The following INTS1 variants were observed in gnomAD, a reference collection of about 807,000 sequenced individuals.
The protein encoded by INTS1 is integrator complex subunit 1.
In INTS1, 137 loss-of-function variants were observed where a neutral mutation model predicts 241.6. The observed-to-expected ratio is 0.57, with a 90% CI of 0.49 to 0.65. INTS1 has a LOEUF of 0.65. Among genes scored for constraint, INTS1 ranks in the 30% least tolerant of loss-of-function variants. The probability of loss-of-function intolerance (pLI) is 0.00; values close to 1 mark genes in which losing one functional copy is unlikely to be tolerated. For missense variants in INTS1, 3,073 were observed against 3,032.2 expected, an observed-to-expected ratio of 1.01 and a Z score of -0.32; for synonymous variants, 1,692 against 1,337.8, an observed-to-expected ratio of 1.26 and a Z score of -5.78.
At chr7:1,474,115 C>T in intron 41 of INTS1, 53 bp downstream of exon 41, 1 of 1,507,568 alleles carries the variant, frequency 6.6e-7, no homozygotes, top group Non-Finnish European at 8.8e-7. Flanking sequence ...CAGGCCTGGG[C>T]CAGAGCAGAG....
chr7:1,474,487 T>C, intron 40 of INTS1, 127 bp from the exon 41 acceptor site: 1 of 1,166,658 alleles, frequency 8.6e-7, no homozygotes, highest in Non-Finnish European at 1.2e-6. Context: ...CCTCCTGCCC[T>C]AAGGAGGTGG....
Position 1,481,375 on chromosome 7 carries a change from G to A in INTS1, c.3817C>T (p.Pro1273Ser). The A allele has an allele frequency of 6.2e-7, 1 of 1,613,054 alleles. No homozygotes were observed. The highest frequency in any genetic ancestry group is 8.5e-7 in the Non-Finnish European group (1 of 1,179,784). Residue 1273 changes from proline (P) to serine (S), a missense_variant, in exon 28 of 48, where the codon CCC (proline) becomes TCC (serine). Pro to Ser is a moderately conservative substitution (Grantham distance 74). Coordinates refer to ENST00000404767, the MANE Select transcript of INTS1 (RefSeq NM_001080453.3). The surrounding 1 kb of genome is among the most constrained non-coding windows in gnomAD (Gnocchi z 6.8). ...ATGATGTTCTGCTCCAGAGTCTGGG[G>A]GTCGTGGGCCACTGCCTGGTCCAGG... Reference protein sequence around the residue: ...QFLDQAVAHDPQTLEQNIMDK... With the variant: ...QFLDQAVAHDSQTLEQNIMDK...
Position 1,471,656 on chromosome 7 carries a change from G to A in INTS1, c.6185-15C>T, listed in dbSNP as rs1332717748. 5 of 1,611,430 alleles carry A rather than the reference G, an allele frequency of 3.1e-6. No individual in the cohort carries two copies. The highest frequency in any genetic ancestry group is 1.7e-4 in the Middle Eastern group (1 of 6,058). On this transcript the variant is annotated splice_polypyrimidine_tract_variant and intron_variant, in intron 44 of 47. Coordinates refer to ENST00000404767, the MANE Select transcript of INTS1 (RefSeq NM_001080453.3). ...CTCCAGCAGATCTGACACAGAGAGA[G>A]GGCCAGACCAGAACTGAAGGGCCCA...
chr7:1,479,552 C>A lies in INTS1; in HGVS notation c.4207G>T (p.Val1403Leu), dbSNP rs191952781. 10 of 1,554,168 alleles carry A rather than the reference C, an allele frequency of 6.4e-6. No homozygotes were observed. Among genetic ancestry groups the A allele is most frequent in the African/African-American group, 2.7e-5 (2 of 73,318 alleles). ...GTGGCGAGGGCCTGCAGGACACGCA[C>A]CGTGATGCCCGGCACCTCGGGGCTG... The part of the protein sequence containing the change: ...QGSPEVPGIT[V>L]RVLQALATLL... Residue 1403 changes from valine to leucine, a missense_variant, in exon 31 of 48, where the codon GTG becomes TTG. Physicochemically the swap from Val to Leu is conservative, Grantham distance 32. Transcript: ENST00000404767.
chr7:1,494,973 G>C, intron 13 of INTS1, 80 bp from the exon 14 acceptor site: 1 of 1,487,850 alleles, frequency 6.7e-7, no homozygotes, highest in Non-Finnish European at 9.1e-7. Context: ...AAGGGACCCC[G>C]CTCCCACGGG....
At position 1,485,417 on chromosome 7, in the gene INTS1, TCC is replaced by T; in HGVS notation, c.3027_3028del (p.Glu1010AlafsTer49). ...CCCCACATCCTCCTCCATGGGGGGCTCCTTCTCCTCCCCGTCCCGCAGGCTGC... is the reference window on the plus strand; with the variant it reads ...CCCCACATCCTCCTCCATGGGGGGCTTTCTCCTCCCCGTCCCGCAGGCTGC... On this transcript the variant is annotated frameshift_variant, in exon 23 of 48. Transcript: ENST00000404767. LOFTEE classifies it high-confidence loss of function. The T allele has an allele frequency of 6.2e-7, 1 of 1,612,640 alleles. No individual in the cohort carries two copies. The highest frequency in any genetic ancestry group is 2.2e-5 in the East Asian group (1 of 44,888).
At chr7:1,484,231 G>A (rs778803874) in intron 24 of INTS1, 61 bp from the exon 25 acceptor site, 2 of 1,531,502 alleles carry the variant, frequency 1.3e-6, no homozygotes, top group Non-Finnish European at 1.8e-6. Flanking sequence ...CGGCCAGCTG[G>A]GGTGACCTCG....
intron 22 of INTS1, 157 bp from the exon 23 acceptor site, chr7:1,485,626 C>T: frequency 1.4e-6 from 1 of 712,162 alleles, no homozygotes; most frequent in Non-Finnish European, 2.3e-6. Context: ...AAAAACGAGA[C>T]TGAGCTCTTT....
At position 1,493,179 on chromosome 7, in the gene INTS1, C is replaced by T; in HGVS notation, c.2069-73G>A. On this transcript the variant is annotated intron_variant, in intron 15 of 47. Transcript: ENST00000404767. The surrounding 1 kb of genome is among the most constrained non-coding windows in gnomAD (Gnocchi z 5.3). ...CAGGCACAGGCAGCGAGGGAACCGG[C>T]CCTGCTCGGGCCGCGTCGGGGTGGG... 1 of 1,323,422 alleles carries T rather than the reference C, an allele frequency of 7.6e-7. No homozygotes were observed. The highest frequency in any genetic ancestry group is 1.1e-6 in the Non-Finnish European group (1 of 924,474). 82.0% of individuals were successfully genotyped at this position (1,323,422 alleles called of 1,614,324 possible).
At position 1,481,512 on chromosome 7, in the gene INTS1, C is replaced by T. The variant is rs117924399; in HGVS notation, c.3704-24G>A. Reference sequence around the variant, plus strand: ...GGCTGAGGGTGCACGCGCTCCGTAACGCCACCCAAAACCCGGGCAATGCGC... The same window carrying T: ...GGCTGAGGGTGCACGCGCTCCGTAATGCCACCCAAAACCCGGGCAATGCGC... On this transcript the variant is annotated intron_variant, in intron 27 of 47. Coordinates refer to ENST00000404767, the MANE Select transcript of INTS1 (RefSeq NM_001080453.3). The surrounding 1 kb of genome is among the most constrained non-coding windows in gnomAD (Gnocchi z 6.8). 1.1e-5 allele frequency: 18 copies of T among 1,587,716 alleles called. No homozygotes were observed. The highest frequency in any genetic ancestry group is 4.5e-5 in the East Asian group (2 of 44,488).
At chr7:1,495,400 T>C (rs763685689) in intron 13 of INTS1, 33 bp downstream of exon 13, 1 of 1,587,220 alleles carries the variant, frequency 6.3e-7, no homozygotes, top group East Asian at 2.3e-5. Context: ...CAGTGGGGTG[T>C]GGGACAGGGG....
rs1783359389 is a variant in INTS1, at chr7:1,504,324, T to C, written c.-43A>G. ...GCGCCCAGGCCGCGGCTCACTTACC[T>C]CTGGCCCATCGCGACCGGAGCGCCG... On this transcript the variant is annotated splice_region_variant and 5_prime_UTR_variant, in exon 1 of 48. Coordinates refer to ENST00000404767, the MANE Select transcript of INTS1 (RefSeq NM_001080453.3). 1 of 524,682 alleles carries C rather than the reference T, an allele frequency of 1.9e-6. No individual in the cohort carries two copies. The highest frequency in any genetic ancestry group is 2.0e-5 in the African/African-American group (1 of 50,306). 32.5% of individuals were successfully genotyped at this position (524,682 alleles called of 1,614,324 possible). A position where few individuals can be genotyped will look rare whatever the true frequency, so the allele number is the denominator to read the frequency against.
In INTS1 at chr7:1,471,556, C is replaced by T; in HGVS notation, c.6255+15G>A. On this transcript the variant is annotated intron_variant, in intron 45 of 47. Transcript: ENST00000404767. ...GTGGCTCCTCCCAGCTCTCCCTCAG[C>T]CCCATCCAGCTCACCGAGAAGAAGC... 6.2e-7 allele frequency: 1 copy of T among 1,611,704 alleles called. No homozygotes were observed. The highest frequency in any genetic ancestry group is 8.5e-7 in the Non-Finnish European group (1 of 1,179,434).
intron 3 of INTS1, 92 bp downstream of exon 3, chr7:1,502,809 G>C: frequency 5.8e-6 from 8 of 1,389,098 alleles, no homozygotes; most frequent in Non-Finnish European, 8.0e-6. Context: ...GGCCATACGG[G>C]CAGCACTAGG....
At chr7:1,500,736 T>C (rs1460039614) in intron 3 of INTS1, among the ~76,000 whole-genome samples, 1 of 152,108 alleles carries the variant, frequency 6.6e-6, no homozygotes, top group East Asian at 1.9e-4. Context: ...CGCAGCACAG[T>C]GGCCCTCTCT....
At chr7:1,470,782 C>T (rs1033991380) in intron 47 of INTS1, 64 bp downstream of exon 47, 27 of 1,473,368 alleles carry the variant, frequency 1.8e-5, no homozygotes, top group South Asian at 3.8e-5. Flanking sequence ...AGCCAGCCCT[C>T]GGGGGACGCA....
rs1433759603 is a variant in INTS1, at chr7:1,477,788, G to A, written c.4779C>T (p.Pro1593=). 3 of 1,612,478 alleles carry A rather than the reference G, an allele frequency of 1.9e-6. No individual in the cohort carries two copies. The highest frequency in any genetic ancestry group is 1.1e-5 in the South Asian group (1 of 91,082). The change falls in exon 34 of 48, where the codon CCC becomes CCT. Residue 1593 remains proline, a synonymous_variant. Transcript: ENST00000404767. ...CCGCACCCGGCTTCCCCCCAGCCAG[G>A]GGCTCCTCCTCCTGCAGCAGCAGGG... The part of the protein sequence containing the change: ...VSSLLLQEEE[P]LAGGKPGADG...
chr7:1,495,338 G>A, intron 13 of INTS1, 95 bp downstream of exon 13: 2 of 1,447,138 alleles, frequency 1.4e-6, no homozygotes, highest in South Asian at 2.6e-5. Context: ...GCTTGTCCTG[G>A]CTCAGTGGGG....
At position 1,487,110 on chromosome 7, in the gene INTS1, G is replaced by A. The variant is rs1782307481; in HGVS notation, c.2647-9C>T. 3 of 1,541,438 alleles carry A rather than the reference G, an allele frequency of 1.9e-6. No individual in the cohort carries two copies. Among genetic ancestry groups the A allele is most frequent in the Non-Finnish European group, 2.6e-6 (3 of 1,146,956 alleles). On this transcript the variant is annotated splice_polypyrimidine_tract_variant and intron_variant, in intron 20 of 47. Coordinates refer to ENST00000404767, the MANE Select transcript of INTS1 (RefSeq NM_001080453.3). ...ATGGACTGCGAGGAGGCCTGGGCAG[G>A]CGACAGTGGCGCCCGCTCAGCACCT...
Sources: gnomAD v4.1 joint callset for allele counts (sites outside exome capture counted in the v4.1 genomes callset) on GRCh38, gnomAD v4.1.1 for gene constraint, Gnocchi (gnomAD v3.1) non-coding constraint, MANE v1.5 for transcripts, NCBI Gene and HGNC (gene_info 2026-07-23, HGNC 2026-07-21) for gene names.